The following GALNTL6 variants were observed in gnomAD, a reference collection of about 807,000 sequenced individuals.
GALNTL6 encodes the protein polypeptide N-acetylgalactosaminyltransferase-like 6.
Under a neutral mutation model 73.7 loss-of-function variants are expected in GALNTL6, and 46 were observed. The ratio of observed to expected loss-of-function variants is 0.62; its 90% CI spans 0.49 to 0.80. The LOEUF (loss-of-function observed/expected upper bound fraction) is 0.80, where lower values mean the gene tolerates loss of function less well. GALNTL6 is among the 30% of genes least tolerant of loss of function. GALNTL6 has a pLI of 0.00. For missense variants in GALNTL6, 604 were observed against 755.0 expected, an observed-to-expected ratio of 0.80 and a Z score of 2.34; for synonymous variants, 259 against 263.7, an observed-to-expected ratio of 0.98 and a Z score of 0.17.
At chr4:171,885,054 C>T (rs1326518181) in intron 2 of GALNTL6, among the ~76,000 whole-genome samples, 2 of 133,998 alleles carry the variant, frequency 1.5e-5, no homozygotes, top group Non-Finnish European at 3.3e-5. Flanking sequence ...GAGACTCTAC[C>T]TCAAAAAAAA....
At chr4:173,000,094 T>C (rs371372711) in intron 10 of GALNTL6, among the ~76,000 whole-genome samples, 3 of 152,166 alleles carry the variant, frequency 2.0e-5, no homozygotes, top group African/African-American at 7.2e-5. Flanking sequence ...TTAACATCTA[T>C]TGAGCACATA....
chr4:172,300,890 A>C (rs938288642), intron 3 of GALNTL6, among the ~76,000 whole-genome samples: 4 of 151,852 alleles, frequency 2.6e-5, no homozygotes, highest in African/African-American at 9.7e-5. Flanking sequence ...CATTCTCTGT[A>C]TTTCCTGAAT....
rs1300751388 is a variant in GALNTL6, at chr4:172,775,001, TAAA to T, written c.554-34358_554-34356del. Among the ~76,000 whole-genome samples, 99 of 134,626 alleles carry T rather than the reference TAAA, an allele frequency of 7.4e-4. 2 individuals carry two copies. Among genetic ancestry groups the T allele is most frequent in the African/African-American group, 2.5e-3 (94 of 37,992 alleles). 88.3% of individuals were successfully genotyped at this position (134,626 alleles called of 152,430 possible). ...ATAATAATAATAATAATAATAATAA[TAAA>T]ATCCAGAAGATAAGGACTTGGGGAC... On this transcript the variant is annotated intron_variant, in intron 5 of 12. Coordinates refer to ENST00000506823, the MANE Select transcript of GALNTL6 (RefSeq NM_001034845.3).
rs189698208 is a variant in GALNTL6 at position 172,310,217 on chromosome 4, A to C, written c.248-1397A>C. Among the ~76,000 whole-genome samples, 29 of 152,296 alleles carry C rather than the reference A, an allele frequency of 1.9e-4. No individual in the cohort carries two copies. In the East Asian group the frequency reaches 5.4e-3, roughly 28 times the overall value. On this transcript the variant is annotated intron_variant, in intron 3 of 12. Transcript: ENST00000506823. ...TTAAATATGCATGAGCAAGTGTACA[A>C]AATTTTGTACATAGCATTTTAAAGC...
chr4:171,997,614 A>G (rs867206107), intron 2 of GALNTL6, among the ~76,000 whole-genome samples: 16 of 152,146 alleles, frequency 1.1e-4, no homozygotes, highest in Non-Finnish European at 2.2e-4. Context: ...GGATACTCAA[A>G]GCATCATCCA....
chr4:172,449,097 A>T (rs995307487), intron 5 of GALNTL6, among the ~76,000 whole-genome samples: 1 of 152,104 alleles, frequency 6.6e-6, no homozygotes, highest in African/African-American at 2.4e-5. Flanking sequence ...TTGCACTGGG[A>T]TCCAAACATT....
At chr4:171,924,375 T>G (rs537291410) in intron 2 of GALNTL6, among the ~76,000 whole-genome samples, 48 of 152,090 alleles carry the variant, frequency 3.2e-4, no homozygotes, top group Non-Finnish European at 5.7e-4. Flanking sequence ...GCAAAAACGT[T>G]ATGAGGTGAG....
chr4:172,104,381 C>A (rs1347194774), intron 2 of GALNTL6, among the ~76,000 whole-genome samples: 1 of 151,868 alleles, frequency 6.6e-6, no homozygotes, highest in Non-Finnish European at 1.5e-5. Context: ...CAAGAAACAT[C>A]GACTTAAATT....
chr4:172,718,091 G>T (rs1332251763), intron 5 of GALNTL6, among the ~76,000 whole-genome samples: 1 of 152,110 alleles, frequency 6.6e-6, no homozygotes, highest in Non-Finnish European at 1.5e-5. Flanking sequence ...AGAATGATTT[G>T]TTTTATATAC....
chr4:172,312,040 G>A (rs1207160752), intron 4 of GALNTL6, among the ~76,000 whole-genome samples: 2 of 152,054 alleles, frequency 1.3e-5, no homozygotes. Context: ...TTTAACTTTT[G>A]ATCATGTAAA....
intron 3 of GALNTL6, among the ~76,000 whole-genome samples, chr4:172,249,539 C>G (rs184155712): frequency 4.1e-4 from 62 of 152,264 alleles, no homozygotes; most frequent in Non-Finnish European, 7.9e-4. Flanking sequence ...GAGACCTTCA[C>G]GGCAACCCCT....
At chr4:172,996,776 T>C (rs1751809800) in intron 10 of GALNTL6, among the ~76,000 whole-genome samples, 2 of 152,184 alleles carry the variant, frequency 1.3e-5, no homozygotes, top group African/African-American at 4.8e-5. Context: ...ACGAGCTACT[T>C]TCCAGTGAAC....
At chr4:172,677,816 C>T (rs190264005) in intron 5 of GALNTL6, among the ~76,000 whole-genome samples, 47 of 151,808 alleles carry the variant, frequency 3.1e-4, no homozygotes, top group Non-Finnish European at 5.9e-5. Flanking sequence ...AAACAATTCT[C>T]ACCAGCAGTG....
intron 2 of GALNTL6, among the ~76,000 whole-genome samples, chr4:171,844,412 T>C (rs1019519207): frequency 6.6e-6 from 1 of 152,204 alleles, no homozygotes; most frequent in Non-Finnish European, 1.5e-5. Flanking sequence ...CATTATTTTC[T>C]TGGGAAACCC....
At chr4:173,012,334 C>G (rs573980406) in intron 11 of GALNTL6, among the ~76,000 whole-genome samples, 1 of 152,228 alleles carries the variant, frequency 6.6e-6, no homozygotes, top group South Asian at 2.1e-4. Flanking sequence ...ACCTCCCTCG[C>G]CCCACCTCAC....
chr4:172,919,812 A>G (rs1747707738), intron 8 of GALNTL6, among the ~76,000 whole-genome samples: 1 of 152,134 alleles, frequency 6.6e-6, no homozygotes, highest in African/African-American at 2.4e-5. Context: ...TTACCCAAAG[A>G]AGCACTCTTC....
chr4:172,550,536 C>T (rs976903183), intron 5 of GALNTL6, among the ~76,000 whole-genome samples: 1 of 152,186 alleles, frequency 6.6e-6, no homozygotes, highest in Non-Finnish European at 1.5e-5. Flanking sequence ...TGAAGGATCA[C>T]TTTGCATTTT....
At chr4:172,295,170 C>T (rs1301079777) in intron 3 of GALNTL6, among the ~76,000 whole-genome samples, 1 of 152,128 alleles carries the variant, frequency 6.6e-6, no homozygotes, top group East Asian at 1.9e-4. Context: ...GTCTGTAATG[C>T]CAGCACTTTG....
chr4:172,503,786 C>A (rs141627479), intron 5 of GALNTL6, among the ~76,000 whole-genome samples: 1 of 151,334 alleles, frequency 6.6e-6, no homozygotes, highest in Non-Finnish European at 1.5e-5. Context: ...AAATTAAGTG[C>A]GAGAGGCAAT....
Sources: gnomAD v4.1 joint callset for allele counts (sites outside exome capture counted in the v4.1 genomes callset) on GRCh38, gnomAD v4.1.1 for gene constraint, MANE v1.5 for transcripts, NCBI Gene and HGNC (gene_info 2026-07-23, HGNC 2026-07-21) for gene names.